The following VCAN variants were observed in gnomAD, a reference collection of about 807,000 sequenced individuals.
VCAN encodes the protein versican core protein.
VCAN carries 44 observed loss-of-function variants against 245.5 expected under a neutral mutation model. The ratio of observed to expected loss-of-function variants is 0.18; its 90% CI spans 0.14 to 0.23. The LOEUF (loss-of-function observed/expected upper bound fraction) is 0.23, where lower values mean the gene tolerates loss of function less well. Ranked by LOEUF, VCAN falls within the 10% of genes least tolerant of loss-of-function variation. The pLI, the probability that VCAN is intolerant of heterozygous loss-of-function variation, is 1.00. For synonymous variants in VCAN, 1,413 were observed against 1,437.0 expected (o/e 0.98, Z 0.38); for missense variants, 3,793 against 4,057.9 (o/e 0.93, Z 1.77).
intron 12 of VCAN, chr5:83,562,139 C>G (rs192402750): frequency 1.1e-4 from 16 of 152,280 alleles, no homozygotes; most frequent in African/African-American, 3.8e-4. Context: ...ACAAGTCACA[C>G]TGCATATCAA....
At chr5:83,566,857 C>T (rs972735549) in intron 12 of VCAN, among the ~76,000 whole-genome samples, 20 of 152,190 alleles carry the variant, frequency 1.3e-4, no homozygotes, top group South Asian at 4.1e-4. Flanking sequence ...ACAAAATAAT[C>T]GAAACATTTA....
At chr5:83,515,961 G>A (rs1456156766) in intron 6 of VCAN, among the ~76,000 whole-genome samples, 3 of 152,160 alleles carry the variant, frequency 2.0e-5, no homozygotes, top group Non-Finnish European at 2.9e-5. Flanking sequence ...GGCCGGGCGC[G>A]GTCGCTCACG....
chr5:83,577,150 T>C (rs1399374463), intron 13 of VCAN, among the ~76,000 whole-genome samples: 1 of 152,164 alleles, frequency 6.6e-6, no homozygotes, highest in Non-Finnish European at 1.5e-5. Flanking sequence ...CAGGTCACAT[T>C]GGCAGGCTTC....
At chr5:83,572,197 T>C (rs1748312353) in intron 12 of VCAN, among the ~76,000 whole-genome samples, 1 of 152,186 alleles carries the variant, frequency 6.6e-6, no homozygotes, top group African/African-American at 2.4e-5. Context: ...TGATATCTCA[T>C]TGCCAAATAG....
Position 83,521,337 on chromosome 5 carries a change from C to T in VCAN, c.3031C>T (p.Arg1011Cys), listed in dbSNP as rs552006796. ...AGACATACTTGTCATTGATCAGACT[C>T]GCCTTGAAGCGACTATTTCTCCAGA... Reference protein sequence around the residue: ...SQDILVIDQTRLEATISPETM... With the variant: ...SQDILVIDQTCLEATISPETM... The change falls in exon 7 of 15, where the codon CGC becomes TGC. Residue 1011 changes from arginine (R) to cysteine (C), a missense_variant. This residue lies in a region of VCAN where 3,182 missense variants were observed against 3,250.3 expected (regional missense o/e 0.98). Coordinates refer to ENST00000265077, the MANE Select transcript of VCAN (RefSeq NM_004385.5). The T allele has an allele frequency of 1.3e-5, 21 of 1,614,078 alleles. No homozygotes were observed. In the Admixed American group the frequency reaches 1.5e-4, roughly 12 times the overall value.
chr5:83,526,071 C>T (rs1312431102), intron 7 of VCAN, among the ~76,000 whole-genome samples: 4 of 150,664 alleles, frequency 2.7e-5, no homozygotes, highest in Non-Finnish European at 5.9e-5. Flanking sequence ...TCCCGAGTAG[C>T]TGGGATTACA....
At chr5:83,567,155 T>C (rs544596691) in intron 12 of VCAN, among the ~76,000 whole-genome samples, 2 of 152,230 alleles carry the variant, frequency 1.3e-5, no homozygotes, top group African/African-American at 2.4e-5. Flanking sequence ...AGTTATTTAA[T>C]TGGACTCTAA....
chr5:83,522,745 A>C (rs1561246290), intron 7 of VCAN, among the ~76,000 whole-genome samples: 1 of 152,204 alleles, frequency 6.6e-6, no homozygotes, highest in Non-Finnish European at 1.5e-5. Flanking sequence ...AGGTTGACAG[A>C]AAGATATTTA....
At chr5:83,554,479 G>A (rs1190979472) in intron 11 of VCAN, among the ~76,000 whole-genome samples, 1 of 152,158 alleles carries the variant, frequency 6.6e-6, no homozygotes, top group Non-Finnish European at 1.5e-5. Context: ...CTGTAGAACT[G>A]TCTAATCTAG....
At chr5:83,491,256 C>G (rs979024446) in intron 3 of VCAN, among the ~76,000 whole-genome samples, 1 of 152,096 alleles carries the variant, frequency 6.6e-6, no homozygotes, top group Non-Finnish European at 1.5e-5. Context: ...AATATTTTGG[C>G]AAGTTATTAA....
At chr5:83,518,256 A>G (rs1745933897) in intron 6 of VCAN, among the ~76,000 whole-genome samples, 1 of 152,200 alleles carries the variant, frequency 6.6e-6, no homozygotes, top group African/African-American at 2.4e-5. Flanking sequence ...TAAAAAAACA[A>G]TCATTATATA....
At chr5:83,542,491 G>T (rs1747044249) in intron 8 of VCAN, among the ~76,000 whole-genome samples, 3 of 151,918 alleles carry the variant, frequency 2.0e-5, no homozygotes. Flanking sequence ...TATTTTTCTG[G>T]GTTTTAGAAA....
intron 1 of VCAN, among the ~76,000 whole-genome samples, chr5:83,475,113 G>A (rs941520054): frequency 5.9e-5 from 9 of 152,116 alleles, no homozygotes; most frequent in African/African-American, 2.2e-4. Flanking sequence ...ACTGCCATTC[G>A]ACAAGACTAA....
chr5:83,536,251 A>G (rs1312937569), intron 7 of VCAN: 1 of 152,130 alleles, frequency 6.6e-6, no homozygotes. Context: ...CAGGAAGGAT[A>G]AAGGTCTATA....
chr5:83,483,431 C>A (rs1744680640), intron 1 of VCAN, 82 bp from the exon 2 acceptor site: 12 of 1,101,078 alleles, frequency 1.1e-5, no homozygotes, highest in Non-Finnish European at 1.7e-5. Context: ...TTATTACATA[C>A]AATGCACAAA....
intron 12 of VCAN, among the ~76,000 whole-genome samples, chr5:83,561,187 C>T (rs754157753): frequency 6.6e-6 from 1 of 152,096 alleles, no homozygotes; most frequent in Non-Finnish European, 1.5e-5. Context: ...GGGAAATTAT[C>T]ACAGCTTCCT....
At chr5:83,491,183 G>C (rs1342790531) in intron 3 of VCAN, among the ~76,000 whole-genome samples, 4 of 152,106 alleles carry the variant, frequency 2.6e-5, no homozygotes, top group Non-Finnish European at 5.9e-5. Flanking sequence ...TAAGTTAGGA[G>C]ACAAAGCAAA....
chr5:83,573,478 C>T (rs184071673), intron 13 of VCAN, among the ~76,000 whole-genome samples: 92 of 151,696 alleles, frequency 6.1e-4, no homozygotes, highest in Non-Finnish European at 1.1e-3. Context: ...AAGACACAAT[C>T]CCAAATGCCA....
chr5:83,516,032 A>T (rs1745840854), intron 6 of VCAN, among the ~76,000 whole-genome samples: 1 of 152,202 alleles, frequency 6.6e-6, no homozygotes, highest in African/African-American at 2.4e-5. Context: ...GGAGATCGAG[A>T]CCATCCTGGC....
Sources: gnomAD v4.1 joint callset for allele counts (sites outside exome capture counted in the v4.1 genomes callset) on GRCh38, gnomAD v4.1.1 for gene constraint, gnomAD v4.1.1 regional missense constraint, MANE v1.5 for transcripts, NCBI Gene and HGNC (gene_info 2026-07-23, HGNC 2026-07-21) for gene names.